NKAIN2: variants seen among roughly 807,000 people sequenced by gnomAD.
The protein encoded by NKAIN2 is sodium/potassium-transporting ATPase subunit beta-1-interacting protein 2.
Under a neutral mutation model 32.6 loss-of-function variants are expected in NKAIN2, and 14 were observed. That is an observed-to-expected ratio of 0.43 (90% CI 0.28 to 0.67). The LOEUF (loss-of-function observed/expected upper bound fraction) is 0.67, where lower values mean the gene tolerates loss of function less well. Among genes scored for constraint, NKAIN2 ranks in the 30% least tolerant of loss-of-function variants. The pLI, the probability that NKAIN2 is intolerant of heterozygous loss-of-function variation, is 0.17. For synonymous variants in NKAIN2, 80 were observed against 87.2 expected, an observed-to-expected ratio of 0.92 and a Z score of 0.46; for missense variants, 198 against 258.3, an observed-to-expected ratio of 0.77 and a Z score of 1.60.
chr6:124,359,938 A>G (rs918909008), intron 3 of NKAIN2, among the ~76,000 whole-genome samples: 2 of 152,142 alleles, frequency 1.3e-5, no homozygotes, highest in Non-Finnish European at 2.9e-5. Context: ...TTATTTTGAG[A>G]TATGTCCCAT....
At chr6:124,325,852 A>G (rs1168583992) in intron 2 of NKAIN2, among the ~76,000 whole-genome samples, 1 of 152,154 alleles carries the variant, frequency 6.6e-6, no homozygotes, top group Non-Finnish European at 1.5e-5. Context: ...TATCACTTGT[A>G]AATTATACTT....
chr6:124,460,600 A>C (rs770849409), intron 3 of NKAIN2, among the ~76,000 whole-genome samples: 1 of 151,720 alleles, frequency 6.6e-6, no homozygotes, highest in Non-Finnish European at 1.5e-5. Context: ...CCTGCTGTCA[A>C]TCTGTTCACC....
At chr6:124,540,249 G>A (rs1779861696) in intron 3 of NKAIN2, among the ~76,000 whole-genome samples, 1 of 152,242 alleles carries the variant, frequency 6.6e-6, no homozygotes, top group Non-Finnish European at 1.5e-5. Context: ...TCTATGACAA[G>A]GCAACTTCCT....
At chr6:124,432,147 G>T (rs1430253473) in intron 3 of NKAIN2, among the ~76,000 whole-genome samples, 1 of 152,140 alleles carries the variant, frequency 6.6e-6, no homozygotes, top group Non-Finnish European at 1.5e-5. Flanking sequence ...TGCATTTACT[G>T]CCATGCTTCA....
At chr6:124,799,939 T>A (rs1780177682) in intron 5 of NKAIN2, among the ~76,000 whole-genome samples, 1 of 152,102 alleles carries the variant, frequency 6.6e-6, no homozygotes, top group South Asian at 2.1e-4. Context: ...GATAATGGCA[T>A]GAGAAAGAAA....
At chr6:123,829,404 A>G (rs1371452973) in intron 1 of NKAIN2, 1 of 152,208 alleles carries the variant, frequency 6.6e-6, no homozygotes, top group African/African-American at 2.4e-5. Context: ...GTTGTATCGG[A>G]CATAGCCCCA....
At chr6:124,061,889 A>T (rs1477432126) in intron 1 of NKAIN2, among the ~76,000 whole-genome samples, 1 of 152,198 alleles carries the variant, frequency 6.6e-6, no homozygotes. Flanking sequence ...AATGTTCTTC[A>T]TTGATTTATC....
chr6:123,905,636 G>A (rs1774828966), intron 1 of NKAIN2, among the ~76,000 whole-genome samples: 1 of 152,062 alleles, frequency 6.6e-6, no homozygotes, highest in African/African-American at 2.4e-5. Flanking sequence ...GACTGTGATA[G>A]CTTATGGGTA....
chr6:123,875,558 C>T (rs2114303865), intron 1 of NKAIN2, among the ~76,000 whole-genome samples: 1 of 151,964 alleles, frequency 6.6e-6, no homozygotes, highest in African/African-American at 2.4e-5. Flanking sequence ...GTATCGTACT[C>T]ATATTTGTTT....
At chr6:123,953,795 C>A (rs1233385720) in intron 1 of NKAIN2, among the ~76,000 whole-genome samples, 5 of 152,128 alleles carry the variant, frequency 3.3e-5, no homozygotes, top group African/African-American at 1.2e-4. Context: ...ATCCCCAAGC[C>A]CAAGGCAGAA....
At chr6:124,174,761 C>G (rs1303673601) in intron 1 of NKAIN2, among the ~76,000 whole-genome samples, 1 of 152,124 alleles carries the variant, frequency 6.6e-6, no homozygotes, top group Non-Finnish European at 1.5e-5. Context: ...ACCAAACCAA[C>G]TAATGAAAGA....
At chr6:124,603,273 C>G (rs536843360) in intron 3 of NKAIN2, among the ~76,000 whole-genome samples, 1 of 151,924 alleles carries the variant, frequency 6.6e-6, no homozygotes, top group South Asian at 2.1e-4. Context: ...TGGTAACATG[C>G]CATGTCTGTT....
At chr6:124,660,234 A>G (rs1319287030) in intron 4 of NKAIN2, among the ~76,000 whole-genome samples, 10 of 152,200 alleles carry the variant, frequency 6.6e-5, no homozygotes. Context: ...ATTTCCACCT[A>G]TGTTTTAAGG....
chr6:124,738,547 CTTAA>C (rs1367877373), intron 4 of NKAIN2, among the ~76,000 whole-genome samples: 1 of 148,682 alleles, frequency 6.7e-6, no homozygotes, highest in Non-Finnish European at 1.5e-5. Flanking sequence ...TTACACTGCT[CTTAA>C]TTATGTGTCA....
chr6:124,676,553 C>T (rs747484523), intron 4 of NKAIN2, among the ~76,000 whole-genome samples: 51 of 152,078 alleles, frequency 3.4e-4, no homozygotes, highest in Non-Finnish European at 1.2e-4. Flanking sequence ...CTCATGAGTT[C>T]ACCCTATTAT....
chr6:124,510,623 G>C (rs189226305), intron 3 of NKAIN2, among the ~76,000 whole-genome samples: 1 of 152,258 alleles, frequency 6.6e-6, no homozygotes, highest in East Asian at 1.9e-4. Flanking sequence ...ACAGTTAGGC[G>C]TTTAACTTGA....
intron 3 of NKAIN2, among the ~76,000 whole-genome samples, chr6:124,563,739 C>G (rs1780792437): frequency 6.6e-6 from 1 of 152,182 alleles, no homozygotes; most frequent in East Asian, 1.9e-4. Flanking sequence ...TCTCAGCTCA[C>G]TCCAACCTCT....
chr6:124,707,784 T>C (rs1487795392), intron 4 of NKAIN2, among the ~76,000 whole-genome samples: 1 of 152,038 alleles, frequency 6.6e-6, no homozygotes, highest in African/African-American at 2.4e-5. Flanking sequence ...TCTCCCATTG[T>C]GTAGGTTGCC....
chr6:124,209,844 G>A (rs1164111406), intron 1 of NKAIN2, among the ~76,000 whole-genome samples: 1 of 151,696 alleles, frequency 6.6e-6, no homozygotes, highest in African/African-American at 2.4e-5. Context: ...ATATATTGTG[G>A]TTATTATTAC....
Sources: gnomAD v4.1 joint callset for allele counts (sites outside exome capture counted in the v4.1 genomes callset) on GRCh38, gnomAD v4.1.1 for gene constraint, MANE v1.5 for transcripts, NCBI Gene and HGNC (gene_info 2026-07-23, HGNC 2026-07-21) for gene names.